CDH23: variants seen among roughly 807,000 people sequenced by gnomAD.
The protein encoded by CDH23 is cadherin-23.
In CDH23, 189 loss-of-function variants were observed where a neutral mutation model predicts 317.1. The observed-to-expected ratio is 0.60, with a 90% CI of 0.53 to 0.67. The LOEUF (loss-of-function observed/expected upper bound fraction) is 0.67, where lower values mean the gene tolerates loss of function less well. Ranked by LOEUF, CDH23 falls within the 30% of genes least tolerant of loss-of-function variation. The probability of loss-of-function intolerance (pLI) is 0.00; values close to 1 mark genes in which losing one functional copy is unlikely to be tolerated. For synonymous variants in CDH23, 1,839 were observed against 1,876.8 expected, an observed-to-expected ratio of 0.98 and a Z score of 0.52; for missense variants, 4,401 against 4,592.4, an observed-to-expected ratio of 0.96 and a Z score of 1.20.
intron 14 of CDH23, among the ~76,000 whole-genome samples, chr10:71,654,386 A>G (rs1196207906): frequency 6.6e-6 from 1 of 152,174 alleles, no homozygotes. Flanking sequence ...CGATCCCTAC[A>G]TTCAGTCAAC....
chr10:71,521,868 G>C (rs1315244755), intron 6 of CDH23, among the ~76,000 whole-genome samples: 1 of 152,148 alleles, frequency 6.6e-6, no homozygotes, highest in African/African-American at 2.4e-5. Context: ...CTTGACCTTG[G>C]CCCAGCCTTT....
intron 53 of CDH23, among the ~76,000 whole-genome samples, chr10:71,801,968 G>T (rs1841570242): frequency 6.6e-6 from 1 of 152,214 alleles, no homozygotes; most frequent in Admixed American, 6.5e-5. Flanking sequence ...TTGGGGACAT[G>T]AGGTGGTTTG....
At chr10:71,605,082 TG>T (rs907889533) in intron 9 of CDH23, among the ~76,000 whole-genome samples, 1 of 152,134 alleles carries the variant, frequency 6.6e-6, no homozygotes, top group Admixed American at 6.5e-5. Flanking sequence ...CATCAAACAC[TG>T]GGGGGTATTT....
intron 9 of CDH23, among the ~76,000 whole-genome samples, chr10:71,582,503 C>A (rs1227026288): frequency 1.1e-4 from 16 of 152,102 alleles, no homozygotes; most frequent in Non-Finnish European, 1.5e-5. Context: ...AATTTAAAAT[C>A]CCCCATGTGC....
intron 6 of CDH23, among the ~76,000 whole-genome samples, chr10:71,533,456 A>G (rs908710890): frequency 1.3e-5 from 2 of 151,988 alleles, no homozygotes; most frequent in Non-Finnish European, 2.9e-5. Context: ...CCTGCCCCGC[A>G]GAAGCCTGTG....
chr10:71,785,079 G>A lies in CDH23; in HGVS notation c.5691G>A (p.Arg1897=). Reference sequence around the variant, plus strand: ...ACATCACTGCGGGCAACCGCGAGCGGGCCTTCTTCATCAATGCCACGGTAG... The same window carrying A: ...ACATCACTGCGGGCAACCGCGAGCGAGCCTTCTTCATCAATGCCACGGTAG... ...TFNITAGNRE[R]AFFINATTGI... The change falls in exon 43 of 70, where the codon CGG becomes CGA. Residue 1897 remains arginine, a synonymous_variant. Transcript: ENST00000224721. 6.2e-7 allele frequency: 1 copy of A among 1,613,994 alleles called. No homozygotes were observed. The highest frequency in any genetic ancestry group is 8.5e-7 in the Non-Finnish European group (1 of 1,179,828).
At chr10:71,729,248 G>A (rs10823835) in intron 30 of CDH23, among the ~76,000 whole-genome samples, 45,940 of 152,100 alleles carry the variant, frequency 0.3, 7,837 homozygotes, top group Non-Finnish European at 0.4. Context: ...GCACAATTCA[G>A]AAACAGCCAC....
intron 18 of CDH23, 103 bp downstream of exon 18, chr10:71,682,675 G>A (rs111806207): frequency 4.2e-6 from 6 of 1,434,358 alleles, no homozygotes; most frequent in African/African-American, 2.8e-5. Flanking sequence ...CTCCTTGGCT[G>A]TCCCTGCACC....
At chr10:71,486,471 G>A (rs1852352719) in intron 3 of CDH23, among the ~76,000 whole-genome samples, 1 of 151,968 alleles carries the variant, frequency 6.6e-6, no homozygotes, top group South Asian at 2.1e-4. Flanking sequence ...CGGGGATTAT[G>A]AGGGGACACA....
At chr10:71,755,256 AATTGTGCCTGC>A in intron 38 of CDH23, 2 of 1,034,758 alleles carry the variant, frequency 1.9e-6, no homozygotes. Context: ...AATGAAAAGG[AATTGTGCCTGC>A]ATCGTGCCTT....
Position 71,590,886 on chromosome 10 carries a change from ACAAAAAAAAAC to A in CDH23, c.832+12895_832+12905del, listed in dbSNP as rs1322485801. Among the ~76,000 whole-genome samples, 18 of 127,672 alleles carry A rather than the reference ACAAAAAAAAAC, an allele frequency of 1.4e-4. 1 individual carries two copies. The highest frequency in any genetic ancestry group is 4.6e-4 in the African/African-American group (15 of 32,942). 83.8% of individuals were successfully genotyped at this position (127,672 alleles called of 152,430 possible). ...AGACCCTGTCTCTAAAAAAAAAAAA[ACAAAAAAAAAC>A]AAAAAAAAACACCAGTCTCTTCTCT... On this transcript the variant is annotated intron_variant, in intron 9 of 69. Transcript: ENST00000224721.
Position 71,790,718 on chromosome 10 carries a change from C to T in CDH23, c.6049+305C>T. On this transcript the variant is annotated intron_variant, in intron 46 of 69. Coordinates refer to ENST00000224721, the MANE Select transcript of CDH23 (RefSeq NM_022124.6). ...CATGCGCAGGCCAGAGGCTCAGGCCCCTAGTCCAGCAGAAGTAGCCAGAGC... is the reference window on the plus strand; with the variant it reads ...CATGCGCAGGCCAGAGGCTCAGGCCTCTAGTCCAGCAGAAGTAGCCAGAGC... 8.3e-6 allele frequency: 4 copies of T among 479,056 alleles called. No homozygotes were observed. In the South Asian group the frequency reaches 1.0e-4, roughly 12 times the overall value. 29.7% of individuals were successfully genotyped at this position (479,056 alleles called of 1,614,324 possible). A position where few individuals can be genotyped will look rare whatever the true frequency, so the allele number is the denominator to read the frequency against.
Position 71,695,449 on chromosome 10 carries a change from A to G in CDH23, c.2321A>G (p.Asn774Ser). 6.2e-7 allele frequency: 1 copy of G among 1,613,518 alleles called. No homozygotes were observed. The highest frequency in any genetic ancestry group is 2.2e-5 in the East Asian group (1 of 44,882). ...ATCACCCTCCTGGACATCAATGACA[A>G]CCACCCCACGTGGAAGGACGCACCC... ...VNITLLDINDNHPTWKDAPYY... is the reference protein window; with the variant it reads ...VNITLLDINDSHPTWKDAPYY... Residue 774 changes from asparagine (N) to serine (S), a missense_variant, in exon 22 of 70, where the codon AAC (asparagine) becomes AGC (serine). Physicochemically the swap from Asn to Ser is conservative, Grantham distance 46. Around this residue, in one of 3 missense-constraint regions of CDH23, gnomAD observed 3,068 missense variants for 3,203.3 expected, o/e 0.96. Transcript: ENST00000224721.
At chr10:71,501,479 C>A (rs908526020) in intron 3 of CDH23, among the ~76,000 whole-genome samples, 1 of 152,120 alleles carries the variant, frequency 6.6e-6, no homozygotes, top group Non-Finnish European at 1.5e-5. Context: ...GAAGGGTGAG[C>A]CTAGAGGCCG....
At chr10:71,810,340 CA>C in intron 61 of CDH23, 131 bp from the exon 62 acceptor site, 3 of 905,432 alleles carry the variant, frequency 3.3e-6, no homozygotes, top group Non-Finnish European at 5.3e-6. Flanking sequence ...TGGTCCTCAG[CA>C]AACATTCAAA....
intron 69 of CDH23, 21 bp from the exon 70 acceptor site, chr10:71,814,931 G>C (rs764701832): frequency 3.8e-5 from 60 of 1,592,014 alleles, no homozygotes; most frequent in South Asian, 5.6e-5. Context: ...CTGAGCATGT[G>C]GGGGTCCCGG....
intron 11 of CDH23, among the ~76,000 whole-genome samples, chr10:71,622,303 T>C (rs1861503242): frequency 6.6e-6 from 1 of 152,188 alleles, no homozygotes; most frequent in Non-Finnish European, 1.5e-5. Flanking sequence ...CTCCTGGCCT[T>C]GCCTGCAGCC....
chr10:71,689,320 G>A (rs1338619941), intron 19 of CDH23, among the ~76,000 whole-genome samples: 2 of 152,046 alleles, frequency 1.3e-5, no homozygotes, highest in African/African-American at 4.8e-5. Flanking sequence ...ACAATGAGCT[G>A]GGTGGGTGCT....
At chr10:71,761,024 G>T in intron 38 of CDH23, 1 of 1,199,842 alleles carries the variant, frequency 8.3e-7, no homozygotes. Context: ...AGGTTCTCAC[G>T]CTAGTGCCTA....
Sources: allele counts gnomAD v4.1 joint callset (sites outside exome capture counted in the v4.1 genomes callset), GRCh38; gene constraint gnomAD v4.1.1; regional missense constraint gnomAD v4.1.1; transcripts MANE v1.5; gene names NCBI Gene and HGNC (gene_info 2026-07-23, HGNC 2026-07-21).